DSC2: variants seen among roughly 807,000 people sequenced by gnomAD.
DSC2 encodes desmocollin 2.
A neutral mutation model predicts 87.6 loss-of-function variants in DSC2; 51 were observed. The ratio of observed to expected loss-of-function variants is 0.58; its 90% CI spans 0.46 to 0.74. The LOEUF is 0.74. Among genes scored for constraint, DSC2 ranks in the 30% least tolerant of loss-of-function variants. The pLI, the probability that DSC2 is intolerant of heterozygous loss-of-function variation, is 0.00. For synonymous variants in DSC2, 383 were observed against 393.2 expected, an observed-to-expected ratio of 0.97 and a Z score of 0.31; for missense variants, 1,066 against 1,089.5, an observed-to-expected ratio of 0.98 and a Z score of 0.30.
At chr18:31,070,951 A>G (rs2144788960) in intron 13 of DSC2, 101 bp from the exon 14 acceptor site, 1 of 1,409,180 alleles carries the variant, frequency 7.1e-7, no homozygotes, top group East Asian at 2.5e-5. Flanking sequence ...TTAAAAGTGT[A>G]TATTAAAAGA....
At chr18:31,091,974 C>T in intron 3 of DSC2, 127 bp downstream of exon 3, 1 of 900,854 alleles carries the variant, frequency 1.1e-6, no homozygotes, top group Non-Finnish European at 1.7e-6. Flanking sequence ...TGTGAAGTTG[C>T]CTCATGGTTT....
intron 6 of DSC2, among the ~76,000 whole-genome samples, 195 bp from the exon 7 acceptor site, chr18:31,086,937 G>T (rs758013168): frequency 6.6e-6 from 1 of 152,008 alleles, no homozygotes; most frequent in African/African-American, 2.4e-5. Context: ...TAGCATTTTC[G>T]AATTGGGTGA....
intron 1 of DSC2, chr18:31,101,231 C>T (rs1987936556): frequency 1.0e-6 from 1 of 985,206 alleles, no homozygotes; most frequent in South Asian, 4.7e-5. Context: ...CTAGGGCTCG[C>T]CGGTCGACAG....
chr18:31,073,373 GCACACACACACACACACA>G (rs34582584), intron 12 of DSC2, among the ~76,000 whole-genome samples: 1 of 146,978 alleles, frequency 6.8e-6, no homozygotes, highest in South Asian at 2.2e-4. Flanking sequence ...ACACACACAC[GCACACACACACACACACA>G]CACACACACA....
Position 31,102,165 on chromosome 18 carries a change from C to T in DSC2, c.-194G>A. ...CTGCCTCTCATCCAAGGGGCTTTTC[C>T]TTTGGCGGAGGGAGGGGCTCCAGAC... On this transcript the variant is annotated 5_prime_UTR_variant, in exon 1 of 16. Coordinates refer to ENST00000280904, the MANE Select transcript of DSC2 (RefSeq NM_024422.6). 2.0e-6 allele frequency: 1 copy of T among 488,446 alleles called. No individual in the cohort carries two copies. The highest frequency in any genetic ancestry group is 3.5e-6 in the Non-Finnish European group (1 of 284,308). 30.3% of individuals were successfully genotyped at this position (488,446 alleles called of 1,614,324 possible).
intron 1 of DSC2, among the ~76,000 whole-genome samples, chr18:31,094,421 A>G (rs1598593180): frequency 6.6e-6 from 1 of 152,372 alleles, no homozygotes; most frequent in East Asian, 1.9e-4. Flanking sequence ...TTCATTTTAG[A>G]AAATAATTTA....
chr18:31,091,228 C>G, intron 3 of DSC2, 81 bp from the exon 4 acceptor site: 2 of 1,565,012 alleles, frequency 1.3e-6, no homozygotes, highest in Non-Finnish European at 1.7e-6. Context: ...CATCTTTCTC[C>G]TCTCAGGAGG....
At position 31,059,575 on chromosome 18, in the gene DSC2, T is replaced by G. The variant is rs1350622197; in HGVS notation, c.*8440A>C. ...AATTCTAAAGCCTGTGAGTTTTTCT[T>G]GCTCTGTATTTCATTTACATGAACT... On this transcript the variant is annotated 3_prime_UTR_variant, in exon 16 of 16. Coordinates refer to ENST00000280904, the MANE Select transcript of DSC2 (RefSeq NM_024422.6). 1.3e-5 allele frequency: 2 copies of G among 152,192 alleles called. No homozygotes were observed. The highest frequency in any genetic ancestry group is 2.4e-5 in the African/African-American group (1 of 41,466). The allele number at this position is 152,192 out of a possible 1,614,324, so 9.4% of individuals were successfully genotyped here.
rs140186359 is a variant in DSC2 at position 31,079,387 on chromosome 18, C to T, written c.1663+460G>A. Among the ~76,000 whole-genome samples, 960 of 151,944 alleles carry T rather than the reference C, an allele frequency of 6.3e-3. 12 individuals carry two copies. Among genetic ancestry groups the T allele is most frequent in the African/African-American group, 0.022 (907 of 41,448 alleles). On this transcript the variant is annotated intron_variant, in intron 11 of 15. Coordinates refer to ENST00000280904, the MANE Select transcript of DSC2 (RefSeq NM_024422.6). Reference sequence around the variant, plus strand: ...TCCTGCCTCAGCCTCCCGAGTAGCTCGGATTACAGGTGCATGCCACTACAC... The same window carrying T: ...TCCTGCCTCAGCCTCCCGAGTAGCTTGGATTACAGGTGCATGCCACTACAC...
chr18:31,083,776 C>A (rs1395190808), intron 7 of DSC2, among the ~76,000 whole-genome samples: 1 of 152,120 alleles, frequency 6.6e-6, no homozygotes, highest in Non-Finnish European at 1.5e-5. Flanking sequence ...GAAAACTCAT[C>A]ACTACCTTAA....
rs760132505 is a variant in DSC2 at position 31,082,227 on chromosome 18, T to C, written c.1263+11A>G. On this transcript the variant is annotated intron_variant, in intron 9 of 15. Transcript: ENST00000280904. ...TTATAAACTACAAATAATGTTCTAA[T>C]TTATTCTTACCTTAACTACACAAAG... The C allele has an allele frequency of 6.2e-7, 1 of 1,609,056 alleles. No individual in the cohort carries two copies. Among genetic ancestry groups the C allele is most frequent in the Non-Finnish European group, 8.5e-7 (1 of 1,176,566 alleles).
Position 31,102,006 on chromosome 18 carries a change from C to T in DSC2, c.-35G>A, listed in dbSNP as rs762240299. 7.5e-6 allele frequency: 11 copies of T among 1,474,270 alleles called. No individual in the cohort carries two copies. Among genetic ancestry groups the T allele is most frequent in the East Asian group, 2.7e-5 (1 of 36,524 alleles). 91.3% of individuals were successfully genotyped at this position (1,474,270 alleles called of 1,614,324 possible). On this transcript the variant is annotated 5_prime_UTR_variant, in exon 1 of 16. Transcript: ENST00000280904. ...TCGGGGCAGGTCGCGGGCCGAGCGT[C>T]GGGCCGGGGTAGGAGGGCTCCGCGG...
At position 31,089,507 on chromosome 18, in the gene DSC2, C is replaced by G; in HGVS notation, c.562G>C (p.Val188Leu). 6.2e-7 allele frequency: 1 copy of G among 1,613,988 alleles called. No homozygotes were observed. Among genetic ancestry groups the G allele is most frequent in the Non-Finnish European group, 8.5e-7 (1 of 1,179,968 alleles). ...VDQEPRNLFY[V>L]ERDTGNLYCT... ...TACAAGTTTCCAGTGTCTCTCTCCA[C>G]ATAAAATAAATTCCGAGGTTCTTGG... Residue 188 changes from valine to leucine, a missense_variant, in exon 5 of 16, where the codon GTG (valine) becomes CTG (leucine). Physicochemically the swap from Val to Leu is conservative, Grantham distance 32. Coordinates refer to ENST00000280904, the MANE Select transcript of DSC2 (RefSeq NM_024422.6).
rs1409248190 is a variant in DSC2, at chr18:31,101,914, G to A, written c.58C>T (p.Leu20=). Residue 20 remains leucine (L), a synonymous_variant, in exon 1 of 16, where the codon CTG becomes TTG. Transcript: ENST00000280904. ...GCGGCTACACTCACCGCGAGGGTCA[G>A]CAGGAGCAGCCGGCAGAGGGCTCCG... ...WNGALCRLLL[L]TLAILIFASD... 3.3e-6 allele frequency: 5 copies of A among 1,531,674 alleles called. No individual in the cohort carries two copies. The South Asian group carries it at 6.0e-5, about 18-fold the overall frequency. 94.9% of individuals were successfully genotyped at this position (1,531,674 alleles called of 1,614,324 possible). A position where few individuals can be genotyped will look rare whatever the true frequency, so the allele number is the denominator to read the frequency against.
chr18:31,059,175 G>C lies in DSC2; in HGVS notation c.*8840C>G, dbSNP rs971466421. ...GATGCATTGTGCAAAGATTAACTGT[G>C]ATTGTGTCTACTACAGGAGAAATAA... is the stretch of plus-strand genomic sequence containing the variant. On this transcript the variant is annotated 3_prime_UTR_variant, in exon 16 of 16. Transcript: ENST00000280904. 1 of 152,190 alleles carries C rather than the reference G, an allele frequency of 6.6e-6. No homozygotes were observed. 9.4% of individuals were successfully genotyped at this position (152,190 alleles called of 1,614,324 possible). A position where few individuals can be genotyped will look rare whatever the true frequency, so the allele number is the denominator to read the frequency against.
At position 31,071,747 on chromosome 18, in the gene DSC2, G is replaced by A. The variant is rs2144791346; in HGVS notation, c.1983C>T (p.Val661=). ...CACACAGTGTAACATCCAATGAAGT[G>A]ACACTAGACATGCCAAGTCTATCTC... ...TVRDRLGMSS[V]TSLDVTLCDC... Residue 661 remains valine, a synonymous_variant, in exon 13 of 16, where the codon GTC becomes GTT. Coordinates refer to ENST00000280904, the MANE Select transcript of DSC2 (RefSeq NM_024422.6). 1 of 1,613,794 alleles carries A rather than the reference G, an allele frequency of 6.2e-7. No homozygotes were observed. Among genetic ancestry groups the A allele is most frequent in the South Asian group, 1.1e-5 (1 of 91,056 alleles).
chr18:31,075,001 CTA>C (rs1389763195), intron 11 of DSC2, 94 bp from the exon 12 acceptor site: 3 of 1,301,816 alleles, frequency 2.3e-6, no homozygotes, highest in African/African-American at 2.9e-5. Flanking sequence ...TATTAAGCAC[CTA>C]TAATGTAGAA....
At chr18:31,097,287 CAAA>C (rs561171723) in intron 1 of DSC2, among the ~76,000 whole-genome samples, 3 of 73,972 alleles carry the variant, frequency 4.1e-5, no homozygotes, top group Non-Finnish European at 2.8e-5. Context: ...GACTCAGTCT[CAAA>C]AAAAAAAAAA....
At chr18:31,090,441 G>T (rs900189179) in intron 4 of DSC2, among the ~76,000 whole-genome samples, 4 of 152,172 alleles carry the variant, frequency 2.6e-5, no homozygotes, top group Non-Finnish European at 5.9e-5. Flanking sequence ...GAGAAAAAGA[G>T]CCAGGTATGC....
Sources: allele counts gnomAD v4.1 joint callset (sites outside exome capture counted in the v4.1 genomes callset), GRCh38; gene constraint gnomAD v4.1.1; transcripts MANE v1.5; gene names NCBI Gene and HGNC (gene_info 2026-07-23, HGNC 2026-07-21).